The following COL28A1 variants were observed in gnomAD, a reference collection of about 807,000 sequenced individuals.
The protein encoded by COL28A1 is collagen type XXVIII alpha 1 chain, also known as collagen alpha-1(XXVIII) chain.
COL28A1 carries 161 observed loss-of-function variants against 150.2 expected under a neutral mutation model. The ratio of observed to expected loss-of-function variants is 1.07; its 90% confidence interval spans 0.94 to 1.22. The LOEUF (loss-of-function observed/expected upper bound fraction) is 1.22, where lower values mean the gene tolerates loss of function less well. Ranked by LOEUF, COL28A1 falls within the 50% of genes most tolerant of loss-of-function variation. COL28A1 has a pLI of 0.00. For missense variants in COL28A1, 1,617 were observed against 1,388.3 expected (o/e 1.16, Z -2.62); for synonymous variants, 552 against 469.7 (o/e 1.18, Z -2.26).
Position 7,360,388 on chromosome 7 carries a change from A to G in COL28A1, c.3205+2T>C, listed in dbSNP as rs1780582828. The G allele has an allele frequency of 1.9e-6, 3 of 1,550,288 alleles. No homozygotes were observed. Among genetic ancestry groups the G allele is most frequent in the Non-Finnish European group, 2.6e-6 (3 of 1,156,394 alleles). On this transcript the variant is annotated splice_donor_variant, in intron 34 of 34. Coordinates refer to ENST00000399429, the MANE Select transcript of COL28A1 (RefSeq NM_001037763.3). LOFTEE classifies it high-confidence loss of function. ...TGGGACTTGGAGTTCTGGTTTACCT[A>G]CCCTCTGCCCCATCCACAGGGGTGC... is the stretch of plus-strand genomic sequence containing the variant.
At chr7:7,351,528 G>A (rs2348040), downstream of COL28A1, among the ~76,000 whole-genome samples, 92,715 of 151,652 alleles carry the variant, frequency 0.61, 32,280 homozygotes, top group East Asian at 0.87. Flanking sequence ...AGGATTGGAA[G>A]ACTCCAAGAT....
At chr7:7,430,593 T>C (rs1042948312) in intron 25 of COL28A1, among the ~76,000 whole-genome samples, 2 of 152,246 alleles carry the variant, frequency 1.3e-5, no homozygotes, top group Non-Finnish European at 2.9e-5. Context: ...CTGTTTCCAT[T>C]GGAATACACA....
intron 25 of COL28A1, among the ~76,000 whole-genome samples, chr7:7,425,377 T>C (rs1291393749): frequency 1.3e-5 from 2 of 152,102 alleles, no homozygotes; most frequent in African/African-American, 4.8e-5. Context: ...GCTGTGAAAC[T>C]GTAAAAGTCC....
chr7:7,358,919 C>CTTA, intron 34 of COL28A1, 114 bp from the exon 35 acceptor site: 1 of 816,756 alleles, frequency 1.2e-6, no homozygotes, highest in Non-Finnish European at 1.8e-6. Context: ...CACTAACAAA[C>CTTA]CAAGAAAATA....
intron 27 of COL28A1, among the ~76,000 whole-genome samples, chr7:7,414,661 A>G (rs6960608): frequency 0.2 from 30,802 of 152,144 alleles, 4,159 homozygotes; most frequent in African/African-American, 0.39. Context: ...TCAAGAGAAT[A>G]GGAAGGGGCA....
chr7:7,491,429 C>T (rs1298545247), intron 11 of COL28A1, among the ~76,000 whole-genome samples: 1 of 152,224 alleles, frequency 6.6e-6, no homozygotes, highest in Non-Finnish European at 1.5e-5. Context: ...GCTGAAGAGG[C>T]CTGGCTCCTG....
At position 7,409,782 on chromosome 7, in the gene COL28A1, T is replaced by C. The variant is rs184567807; in HGVS notation, c.2136+8077A>G. On this transcript the variant is annotated intron_variant, in intron 27 of 34. Transcript: ENST00000399429. ...AAATTTGCTTTTCCTTTTTGTTTCA[T>C]GGCAGTGTAGGGAGTGTGGTATTTC... Among the ~76,000 whole-genome samples, 40 of 152,334 alleles carry C rather than the reference T, an allele frequency of 2.6e-4. No homozygotes were observed. The East Asian group carries it at 7.5e-3, about 29-fold the overall frequency.
chr7:7,543,093 A>G, the COL28A1 span, among the ~76,000 whole-genome samples: 7 of 152,230 alleles, frequency 4.6e-5, no homozygotes, highest in African/African-American at 1.7e-4. Flanking sequence ...AAATAATAAT[A>G]AAATACACAA....
intron 8 of COL28A1, 85 bp from the exon 9 acceptor site, chr7:7,511,220 C>T (rs945997774): frequency 7.4e-6 from 8 of 1,082,918 alleles, no homozygotes; most frequent in Non-Finnish European, 1.1e-5. Flanking sequence ...TTTTTAAATT[C>T]CCAGCAGACT....
At chr7:7,393,805 A>C (rs1355387797) in intron 27 of COL28A1, among the ~76,000 whole-genome samples, 1 of 152,254 alleles carries the variant, frequency 6.6e-6, no homozygotes, top group South Asian at 2.1e-4. Flanking sequence ...TCCCAGGTCA[A>C]CTTCAGACTG....
chr7:7,503,825 G>A (rs1780661611), intron 11 of COL28A1, among the ~76,000 whole-genome samples: 1 of 152,088 alleles, frequency 6.6e-6, no homozygotes, highest in African/African-American at 2.4e-5. Flanking sequence ...AAGAAAAGGG[G>A]GAACTCATGC....
At chr7:7,543,670 C>T in the COL28A1 span, among the ~76,000 whole-genome samples, 2 of 151,982 alleles carry the variant, frequency 1.3e-5, no homozygotes, top group African/African-American at 4.8e-5. Flanking sequence ...CAAACAACTT[C>T]AAGTACACAC....
At chr7:7,512,951 G>T (rs145284518) in intron 8 of COL28A1, among the ~76,000 whole-genome samples, 55 of 152,336 alleles carry the variant, frequency 3.6e-4, no homozygotes, top group African/African-American at 1.3e-3. Flanking sequence ...TCAATGCACT[G>T]CTTCTTTCAT....
At chr7:7,486,275 T>G (rs117008071) in intron 13 of COL28A1, among the ~76,000 whole-genome samples, 2,425 of 152,256 alleles carry the variant, frequency 0.016, 31 homozygotes, top group Non-Finnish European at 0.024. Context: ...TTAAATAGAT[T>G]TTGTATGTTG....
chr7:7,420,676 A>C (rs886767145), intron 25 of COL28A1, among the ~76,000 whole-genome samples: 2 of 152,254 alleles, frequency 1.3e-5, no homozygotes, highest in Non-Finnish European at 2.9e-5. Flanking sequence ...ACCTCGGTAA[A>C]TTCATCACAT....
At chr7:7,439,478 C>G (rs4035103) in intron 21 of COL28A1, among the ~76,000 whole-genome samples, 29,789 of 151,622 alleles carry the variant, frequency 0.2, 3,310 homozygotes, top group African/African-American at 0.31. Flanking sequence ...CTTCTTTTTT[C>G]AAAAAAAGAG....
rs774292473 is a variant in COL28A1, at chr7:7,373,438, G to C, written c.2468C>G (p.Thr823Ser). The change falls in exon 32 of 35, where the codon ACT becomes AGT. Residue 823 changes from threonine (T) to serine (S), a missense_variant. Coordinates refer to ENST00000399429, the MANE Select transcript of COL28A1 (RefSeq NM_001037763.3). The surrounding 1 kb of genome is among the most constrained non-coding windows in gnomAD (Gnocchi z 4.1). ...GTCCAGAGCAACCCGGTCAGCCATA[G>C]TCTTCACAAAATTTTTAATGATCTG... ...NFQIIKNFVK[T>S]MADRVALDLA... The C allele has an allele frequency of 6.2e-6, 10 of 1,614,008 alleles. No homozygotes were observed. Among genetic ancestry groups the C allele is most frequent in the African/African-American group, 1.3e-5 (1 of 74,890 alleles).
chr7:7,467,909 C>T (rs372256826), intron 15 of COL28A1, among the ~76,000 whole-genome samples: 48 of 144,478 alleles, frequency 3.3e-4, no homozygotes, highest in Admixed American at 1.4e-3. Flanking sequence ...TTGAAACCAA[C>T]GAGAACAAAG....
chr7:7,440,644 C>T (rs1037400966), intron 21 of COL28A1, 146 bp downstream of exon 21: 4 of 497,018 alleles, frequency 8.0e-6, no homozygotes, highest in African/African-American at 7.8e-5. Flanking sequence ...AGTATGTTTT[C>T]TATAGGTTTC....
Sources: gnomAD v4.1 joint callset for allele counts (sites outside exome capture counted in the v4.1 genomes callset) on GRCh38, gnomAD v4.1.1 for gene constraint, Gnocchi (gnomAD v3.1) non-coding constraint, MANE v1.5 for transcripts, NCBI Gene and HGNC (gene_info 2026-07-23, HGNC 2026-07-21) for gene names.